USP32: variants seen among roughly 807,000 people sequenced by gnomAD.
USP32 encodes the protein ubiquitin carboxyl-terminal hydrolase 32.
A neutral mutation model predicts 204.8 loss-of-function variants in USP32; 59 were observed. That is an observed-to-expected ratio of 0.29 (90% CI 0.23 to 0.36). The LOEUF (loss-of-function observed/expected upper bound fraction) is 0.36. Ranked by LOEUF, USP32 falls within the 10% of genes least tolerant of loss-of-function variation. USP32 has a pLI of 1.00. For missense variants in USP32, 1,160 were observed against 1,946.4 expected, an observed-to-expected ratio of 0.60 and a Z score of 7.60; for synonymous variants, 517 against 678.4, an observed-to-expected ratio of 0.76 and a Z score of 3.70.
intron 1 of USP32, among the ~76,000 whole-genome samples, chr17:60,347,424 G>A (rs1216825294): frequency 2.7e-5 from 4 of 150,106 alleles, no homozygotes; most frequent in African/African-American, 7.4e-5. Flanking sequence ...CACGATTTCT[G>A]CTCACTGCAA....
At chr17:60,249,519 T>C (rs1268326875) in intron 11 of USP32, 3 of 471,606 alleles carry the variant, frequency 6.4e-6, no homozygotes, top group Non-Finnish European at 1.1e-5. Context: ...TTTCCCTCAC[T>C]GTTTACCACC....
intron 2 of USP32, among the ~76,000 whole-genome samples, chr17:60,326,918 A>T (rs73320711): frequency 8.9e-4 from 135 of 152,306 alleles, no homozygotes; most frequent in African/African-American, 2.8e-3. Context: ...CGTAGATGCT[A>T]AAAAAGTTGA....
intron 1 of USP32, among the ~76,000 whole-genome samples, chr17:60,380,163 C>G (rs1459792878): frequency 6.6e-6 from 1 of 152,204 alleles, no homozygotes; most frequent in Non-Finnish European, 1.5e-5. Context: ...CTAACTTCAT[C>G]TTGCCTTTCC....
In USP32 at chr17:60,203,529, G is replaced by T. The variant is rs2084742417; in HGVS notation, c.3249+1918C>A. 2.6e-5 allele frequency among the ~76,000 whole-genome samples: 4 copies of T among 151,102 alleles called. No homozygotes were observed. In the South Asian group the frequency reaches 8.3e-4, roughly 31 times the overall value. On this transcript the variant is annotated intron_variant, in intron 26 of 33. Coordinates refer to ENST00000300896, the MANE Select transcript of USP32 (RefSeq NM_032582.4). ...TACAATTTCGTTTTCTCTTGTTGCT[G>T]CTATACAATCAATTTACTTGATCTA... is the stretch of plus-strand genomic sequence containing the variant.
chr17:60,259,096 T>C (rs1297755990), intron 9 of USP32, among the ~76,000 whole-genome samples: 2 of 152,204 alleles, frequency 1.3e-5, no homozygotes, highest in African/African-American at 4.8e-5. Context: ...AAATAGAATA[T>C]AGCATGTTTC....
intron 1 of USP32, among the ~76,000 whole-genome samples, chr17:60,358,806 G>C (rs2089144202): frequency 6.6e-6 from 1 of 152,080 alleles, no homozygotes; most frequent in Non-Finnish European, 1.5e-5. Context: ...TTACATCATG[G>C]GGCACCACTG....
chr17:60,408,367 C>T (rs1032606481), intron 1 of USP32, among the ~76,000 whole-genome samples: 2 of 151,924 alleles, frequency 1.3e-5, no homozygotes, highest in Non-Finnish European at 1.5e-5. Context: ...GTAACCACAT[C>T]GTATCAATCT....
chr17:60,265,426 G>T lies in USP32; in HGVS notation c.976C>A (p.His326Asn). 6.2e-7 allele frequency: 1 copy of T among 1,605,298 alleles called. No individual in the cohort carries two copies. The highest frequency in any genetic ancestry group is 8.5e-7 in the Non-Finnish European group (1 of 1,173,194). Residue 326 changes from histidine (H) to asparagine (N), a missense_variant, in exon 9 of 34, where the codon CAT (histidine) becomes AAT (asparagine). His to Asn is a moderately conservative substitution (Grantham distance 68, BLOSUM62 1). Transcript: ENST00000300896. ...TCTAGACTCACCTTTGTGGTGTCAT[G>T]TGCATTCAGTATGCCTTCTACAATA... Reference protein sequence around the residue: ...SDIVEGILNAHDTTKMGHLTL... With the variant: ...SDIVEGILNANDTTKMGHLTL...
At chr17:60,340,668 C>T (rs541745524) in intron 2 of USP32, among the ~76,000 whole-genome samples, 1 of 152,294 alleles carries the variant, frequency 6.6e-6, no homozygotes, top group African/African-American at 2.4e-5. Flanking sequence ...AGCCCATTTA[C>T]ATTTAAGGTT....
chr17:60,256,175 GA>G (rs111324705), intron 9 of USP32, among the ~76,000 whole-genome samples: 10,126 of 148,368 alleles, frequency 0.068, 1,190 homozygotes, highest in African/African-American at 0.23. Flanking sequence ...CCATCTCTTT[GA>G]AAAAAAAAAT....
At chr17:60,400,277 A>G (rs1488758153) in intron 1 of USP32, among the ~76,000 whole-genome samples, 1 of 152,144 alleles carries the variant, frequency 6.6e-6, no homozygotes, top group Non-Finnish European at 1.5e-5. Context: ...TCATCCATTT[A>G]AAAAAGATAT....
chr17:60,289,966 G>A (rs913221842), intron 4 of USP32, among the ~76,000 whole-genome samples: 1 of 151,970 alleles, frequency 6.6e-6, no homozygotes, highest in African/African-American at 2.4e-5. Context: ...AACATTTAAC[G>A]TGACTGCAAT....
intron 2 of USP32, among the ~76,000 whole-genome samples, chr17:60,341,337 T>C (rs1207856340): frequency 1.6e-4 from 25 of 152,082 alleles, no homozygotes; most frequent in Admixed American, 1.6e-3. Context: ...TGTTTAATGC[T>C]TCCTTCAGGA....
chr17:60,378,586 G>T (rs2089593018), intron 1 of USP32, among the ~76,000 whole-genome samples: 1 of 152,086 alleles, frequency 6.6e-6, no homozygotes, highest in Non-Finnish European at 1.5e-5. Flanking sequence ...ACAAGATGTA[G>T]TATATACAAA....
At chr17:60,205,721 T>C (rs893306481) in intron 25 of USP32, 63 bp from the exon 26 acceptor site, 2 of 1,518,352 alleles carry the variant, frequency 1.3e-6, no homozygotes, top group Non-Finnish European at 1.8e-6. Flanking sequence ...TGCTCTTTTC[T>C]CAAGTATCCT....
chr17:60,279,853 T>A (rs1399446872), intron 5 of USP32, among the ~76,000 whole-genome samples: 1 of 137,902 alleles, frequency 7.3e-6, no homozygotes, highest in Non-Finnish European at 1.6e-5. Flanking sequence ...TAATAATAAT[T>A]AATAATAATA....
At chr17:60,229,803 C>A (rs192103793) in intron 12 of USP32, among the ~76,000 whole-genome samples, 1 of 152,186 alleles carries the variant, frequency 6.6e-6, no homozygotes, top group East Asian at 1.9e-4. Flanking sequence ...TGATGCATTA[C>A]AAATTACTTT....
At chr17:60,361,061 G>A (rs2089196610) in intron 1 of USP32, among the ~76,000 whole-genome samples, 1 of 150,602 alleles carries the variant, frequency 6.6e-6, no homozygotes, top group South Asian at 2.1e-4. Context: ...CCTGAGAGGC[G>A]GAGATTGAAG....
chr17:60,249,911 T>C (rs1250797929), intron 11 of USP32, among the ~76,000 whole-genome samples: 1 of 134,814 alleles, frequency 7.4e-6, no homozygotes, highest in Non-Finnish European at 1.7e-5. Flanking sequence ...TTCACCTCAT[T>C]GCATATGAAC....
Sources: allele counts gnomAD v4.1 joint callset (sites outside exome capture counted in the v4.1 genomes callset), GRCh38; gene constraint gnomAD v4.1.1; transcripts MANE v1.5; gene names NCBI Gene and HGNC (gene_info 2026-07-23, HGNC 2026-07-21).